ZNF469: variants seen among roughly 807,000 people sequenced by gnomAD.
ZNF469 encodes zinc finger protein 469.
ZNF469 carries 1 observed loss-of-function variant against 1.0 expected under a neutral mutation model. The observed-to-expected ratio is 1.00, with a 90% confidence interval of 0.35 to 4.73. The LOEUF is 4.73. ZNF469 is among the 30% of genes most tolerant of loss of function. ZNF469 has a pLI of 0.16. For synonymous variants in ZNF469, 2,703 were observed against 2,363.4 expected, an observed-to-expected ratio of 1.14 and a Z score of -4.17; for missense variants, 6,100 against 5,356.3, an observed-to-expected ratio of 1.14 and a Z score of -4.33.
chr16:88,120,611 C>T, the ZNF469 span, among the ~76,000 whole-genome samples: 1 of 152,214 alleles, frequency 6.6e-6, no homozygotes, highest in Non-Finnish European at 1.5e-5. Flanking sequence ...AGGGACGGAG[C>T]CGCCCTGTCC....
intron 1 of ZNF469, among the ~76,000 whole-genome samples, chr16:88,385,194 G>A (rs74388658): frequency 6.6e-6 from 1 of 152,182 alleles, no homozygotes; most frequent in African/African-American, 2.4e-5. Flanking sequence ...CACCAGGGTG[G>A]CCTGGAAGCA....
chr16:88,195,081 G>C, the ZNF469 span: 5 of 152,252 alleles, frequency 3.3e-5, no homozygotes, highest in Admixed American at 6.5e-5. Flanking sequence ...GACGGGAAAC[G>C]CATGTGGGCG....
the ZNF469 span, among the ~76,000 whole-genome samples, chr16:88,222,709 A>C: frequency 6.6e-6 from 1 of 152,120 alleles, no homozygotes; most frequent in African/African-American, 2.4e-5. Flanking sequence ...GTGAGCCGAG[A>C]TCATGCCATT....
chr16:88,339,882 GGGGCCTGGCC>G, the ZNF469 span, among the ~76,000 whole-genome samples: 2 of 130,122 alleles, frequency 1.5e-5, no homozygotes, highest in African/African-American at 3.4e-5. Flanking sequence ...AGAGTGGCAG[GGGGCCTGGCC>G]ATGGCAAAGC....
the ZNF469 span, among the ~76,000 whole-genome samples, chr16:88,185,985 ACACACT>A: frequency 6.6e-6 from 1 of 152,222 alleles, no homozygotes; most frequent in African/African-American, 2.4e-5. Flanking sequence ...GCCCAGACAC[ACACACT>A]CACACATTCG....
At chr16:88,362,052 A>G in the ZNF469 span, among the ~76,000 whole-genome samples, 1 of 152,198 alleles carries the variant, frequency 6.6e-6, no homozygotes, top group Non-Finnish European at 1.5e-5. Flanking sequence ...TGGCTTCTGT[A>G]GCTTTAGATT....
chr16:88,205,733 C>T, the ZNF469 span, among the ~76,000 whole-genome samples: 114 of 152,256 alleles, frequency 7.5e-4, no homozygotes, highest in Non-Finnish European at 1.1e-3. This position sits in a 1 kb window ranked among gnomAD's most constrained non-coding sequence, Gnocchi z 4.2. Context: ...CAGAGACGCG[C>T]GATCATTTCA....
Position 88,424,861 on chromosome 16 carries a change from C to G in ZNF469, c.-137C>G, listed in dbSNP as rs1041718815. Among the ~76,000 whole-genome samples, 1 of 152,196 alleles carries G rather than the reference C, an allele frequency of 6.6e-6. No homozygotes were observed. Among genetic ancestry groups the G allele is most frequent in the Non-Finnish European group, 1.5e-5 (1 of 68,018 alleles). On this transcript the variant is annotated 5_prime_UTR_variant, in exon 2 of 3. Coordinates refer to ENST00000565624, the MANE Select transcript of ZNF469 (RefSeq NM_001367624.2). This position sits in a 1 kb window ranked among gnomAD's most constrained non-coding sequence, Gnocchi z 4.3. ...TGCGGCGACCCAGCTGAGGGGCCCCCGACTCCCCAGGTATGTACAGGCAGC... is the reference window on the plus strand; with the variant it reads ...TGCGGCGACCCAGCTGAGGGGCCCCGGACTCCCCAGGTATGTACAGGCAGC...
the ZNF469 span, among the ~76,000 whole-genome samples, chr16:88,375,339 C>A: frequency 2.6e-5 from 4 of 152,264 alleles, no homozygotes; most frequent in African/African-American, 9.6e-5. Flanking sequence ...GCCACTAGCC[C>A]AAGGCCACCA....
chr16:88,357,692 A>G, the ZNF469 span, among the ~76,000 whole-genome samples: 1 of 152,188 alleles, frequency 6.6e-6, no homozygotes, highest in African/African-American at 2.4e-5. Flanking sequence ...GTCTGTTTTG[A>G]GGCAGCGCAG....
the ZNF469 span, among the ~76,000 whole-genome samples, chr16:88,260,841 G>A: frequency 7.2e-5 from 11 of 152,146 alleles, no homozygotes; most frequent in East Asian, 1.9e-4. The surrounding 1 kb of genome is among the most constrained non-coding windows in gnomAD (Gnocchi z 4.1). Context: ...ATGGTGGGGC[G>A]GCGTCTGATG....
the ZNF469 span, among the ~76,000 whole-genome samples, chr16:88,189,287 T>G: frequency 6.6e-6 from 1 of 152,230 alleles, no homozygotes; most frequent in African/African-American, 2.4e-5. The surrounding 1 kb of genome is among the most constrained non-coding windows in gnomAD (Gnocchi z 4.3). Context: ...TGGTAATGCT[T>G]GGGTGTTAGC....
the ZNF469 span, among the ~76,000 whole-genome samples, chr16:88,201,696 G>A: frequency 6.6e-6 from 1 of 152,246 alleles, no homozygotes; most frequent in Admixed American, 6.5e-5. This position sits in a 1 kb window ranked among gnomAD's most constrained non-coding sequence, Gnocchi z 5.0. Context: ...CTGCCCAGGG[G>A]TCTCCGGGTG....
At chr16:88,119,884 C>A in the ZNF469 span, among the ~76,000 whole-genome samples, 1 of 152,200 alleles carries the variant, frequency 6.6e-6, no homozygotes, top group Non-Finnish European at 1.5e-5. Context: ...CTGCTTGGGA[C>A]AGGATGGTTC....
the ZNF469 span, among the ~76,000 whole-genome samples, chr16:88,314,934 A>G: frequency 2.7e-5 from 4 of 147,438 alleles, no homozygotes; most frequent in African/African-American, 1.0e-4. Context: ...GCTGGTGTGG[A>G]CTGTCATCTC....
rs1006838853 is a variant in ZNF469, at chr16:88,437,576, G to A, written c.10106G>A (p.Arg3369Gln). 5.2e-6 allele frequency: 8 copies of A among 1,536,014 alleles called. No individual in the cohort carries two copies. The highest frequency in any genetic ancestry group is 2.5e-5 in the East Asian group (1 of 40,386). The change falls in exon 3 of 3, where the codon CGG (arginine) becomes CAG (glutamine). Residue 3369 changes from arginine (R) to glutamine (Q), a missense_variant. Physicochemically the swap from Arg to Gln is conservative, Grantham distance 43. Coordinates refer to ENST00000565624, the MANE Select transcript of ZNF469 (RefSeq NM_001367624.2). ...CCGCAGCGCGTCTACCTGTGCCCCC[G>A]GTGCCCCCGGGTCTACCCCGAGCAC... ...HSPQRVYLCP[R>Q]CPRVYPEHGE...
the ZNF469 span, among the ~76,000 whole-genome samples, chr16:88,322,352 G>A: frequency 6.6e-6 from 1 of 152,238 alleles, no homozygotes; most frequent in Non-Finnish European, 1.5e-5. Flanking sequence ...CACATGGGAG[G>A]CGGCTGCGAG....
chr16:88,254,023 G>C, the ZNF469 span, among the ~76,000 whole-genome samples: 1 of 151,736 alleles, frequency 6.6e-6, no homozygotes, highest in Non-Finnish European at 1.5e-5. Context: ...TTTTGATAAA[G>C]CCAAATTTAA....
At chr16:88,189,754 C>T in the ZNF469 span, among the ~76,000 whole-genome samples, 1 of 152,118 alleles carries the variant, frequency 6.6e-6, no homozygotes, top group Non-Finnish European at 1.5e-5. The surrounding 1 kb of genome is among the most constrained non-coding windows in gnomAD (Gnocchi z 4.3). Flanking sequence ...ACTGTCTCTA[C>T]TAAAAATACA....
Sources: allele counts gnomAD v4.1 joint callset (sites outside exome capture counted in the v4.1 genomes callset), GRCh38; gene constraint gnomAD v4.1.1; non-coding constraint Gnocchi (gnomAD v3.1); transcripts MANE v1.5; gene names NCBI Gene and HGNC (gene_info 2026-07-23, HGNC 2026-07-21).